TRPM1: variants seen among roughly 807,000 people sequenced by gnomAD.
TRPM1 encodes transient receptor potential cation channel subfamily M member 1.
A neutral mutation model predicts 149.4 loss-of-function variants in TRPM1; 113 were observed. The observed-to-expected ratio is 0.76, with a 90% CI of 0.65 to 0.88. The LOEUF is 0.88. TRPM1 is among the 40% of genes least tolerant of loss of function. The pLI is 0.00. For synonymous variants in TRPM1, 741 were observed against 759.5 expected (o/e 0.98, Z 0.40); for missense variants, 1,976 against 2,038.7 (o/e 0.97, Z 0.59).
intron 1 of TRPM1, among the ~76,000 whole-genome samples, chr15:31,121,721 G>GA (rs2035883207): frequency 6.6e-6 from 1 of 152,100 alleles, no homozygotes; most frequent in Non-Finnish European, 1.5e-5. Context: ...ATGTTTCACT[G>GA]GTGAATTATA....
intron 1 of TRPM1, among the ~76,000 whole-genome samples, chr15:31,109,206 C>G (rs137938418): frequency 6.6e-6 from 1 of 151,722 alleles, no homozygotes; most frequent in Non-Finnish European, 1.5e-5. Context: ...AGGTGGCTCA[C>G]GCCTGTAATC....
chr15:31,012,523 T>C (rs1400862436), intron 27 of TRPM1, among the ~76,000 whole-genome samples: 1 of 152,220 alleles, frequency 6.6e-6, no homozygotes, highest in Non-Finnish European at 1.5e-5. Context: ...GAGTTGCTTC[T>C]CTCTTGCTGC....
Position 31,032,236 on chromosome 15 carries a change from G to A in TRPM1, c.2952+453C>T, listed in dbSNP as rs561173769. ...AAGTAAGCTCTTACAAAAAAACGAG[G>A]CTATTTTCTTTTATATTGCTGTCAA... On this transcript the variant is annotated intron_variant, in intron 22 of 27. Coordinates refer to ENST00000256552, the MANE Select transcript of TRPM1 (RefSeq NM_001252024.2). Among the ~76,000 whole-genome samples the A allele has an allele frequency of 9.9e-5, 15 of 152,000 alleles. No homozygotes were observed. The East Asian group carries it at 2.9e-3, about 29-fold the overall frequency.
intron 1 of TRPM1, among the ~76,000 whole-genome samples, chr15:31,099,394 C>T (rs1408359093): frequency 6.6e-6 from 1 of 152,080 alleles, no homozygotes; most frequent in Admixed American, 6.5e-5. Context: ...TTTACACACA[C>T]ACACCCAGAC....
intron 1 of TRPM1, among the ~76,000 whole-genome samples, chr15:31,087,231 A>ATTTTTTTTTTTTT (rs58872566): frequency 3.0e-4 from 18 of 59,444 alleles, no homozygotes; most frequent in African/African-American, 1.1e-3. Context: ...CTCAATAGGG[A>ATTTTTTTTTTTTT]TTTTTTTTTT....
At chr15:31,118,128 G>A (rs1023486932) in intron 1 of TRPM1, among the ~76,000 whole-genome samples, 5 of 152,094 alleles carry the variant, frequency 3.3e-5, no homozygotes, top group African/African-American at 1.2e-4. Context: ...TAGGTGTGGT[G>A]CATGCCTGTA....
At chr15:31,041,304 G>A (rs558976430) in intron 17 of TRPM1, among the ~76,000 whole-genome samples, 1 of 152,162 alleles carries the variant, frequency 6.6e-6, no homozygotes, top group Admixed American at 6.5e-5. Context: ...ACAGGCGCCC[G>A]CCACTACGCC....
Position 31,070,108 on chromosome 15 carries a change from T to C in TRPM1, c.202A>G (p.Lys68Glu). The C allele has an allele frequency of 6.2e-7, 1 of 1,614,192 alleles. No homozygotes were observed. ...ETQPEKWSVAKHTQSYPTDSY... is the reference protein window; with the variant it reads ...ETQPEKWSVAEHTQSYPTDSY... Reference sequence around the variant, plus strand: ...TCTGTTGGGTAGCTCTGGGTGTGCTTGGCAACAGACCATTTCTCAGGCTGA... The same window carrying C: ...TCTGTTGGGTAGCTCTGGGTGTGCTCGGCAACAGACCATTTCTCAGGCTGA... Residue 68 changes from lysine to glutamate, a missense_variant, in exon 4 of 28, where the codon AAG becomes GAG. By Grantham distance (56) the Lys-to-Glu change is moderately conservative. This residue lies in a region of TRPM1 where 1,332 missense variants were observed against 1,347.1 expected (regional missense o/e 0.99). Coordinates refer to ENST00000256552, the MANE Select transcript of TRPM1 (RefSeq NM_001252024.2).
intron 27 of TRPM1, among the ~76,000 whole-genome samples, chr15:31,017,741 G>A (rs1432975151): frequency 6.6e-6 from 1 of 152,176 alleles, no homozygotes; most frequent in Non-Finnish European, 1.5e-5. Context: ...GCCTGAAGGT[G>A]GTTAAATGAA....
chr15:31,003,857 T>G (rs2031882399), intron 27 of TRPM1, among the ~76,000 whole-genome samples: 1 of 150,648 alleles, frequency 6.6e-6, no homozygotes, highest in Admixed American at 6.6e-5. Context: ...TGCTATTAGT[T>G]TTTTTTTTTT....
intron 1 of TRPM1, among the ~76,000 whole-genome samples, chr15:31,099,188 A>G (rs1194710722): frequency 6.6e-6 from 1 of 152,154 alleles, no homozygotes; most frequent in Non-Finnish European, 1.5e-5. Flanking sequence ...AGAGCTTGCA[A>G]AAGAGGAGGA....
At chr15:31,058,988 C>T (rs144210379) in intron 11 of TRPM1, among the ~76,000 whole-genome samples, 2,054 of 152,248 alleles carry the variant, frequency 0.013, 24 homozygotes, top group African/African-American at 0.028. Context: ...GAGGCTGAGG[C>T]AGGAGAATCG....
At chr15:31,012,384 A>T (rs1240681133) in intron 27 of TRPM1, among the ~76,000 whole-genome samples, 2 of 152,190 alleles carry the variant, frequency 1.3e-5, no homozygotes, top group Non-Finnish European at 2.9e-5. Flanking sequence ...TTTGCTGCAT[A>T]TATAATTTTT....
intron 1 of TRPM1, among the ~76,000 whole-genome samples, chr15:31,083,195 G>A (rs559105339): frequency 3.9e-5 from 6 of 152,260 alleles, no homozygotes; most frequent in South Asian, 4.1e-4. Flanking sequence ...AGCAAACCCC[G>A]CAATGAAATG....
chr15:31,116,123 A>G (rs2035794600), intron 1 of TRPM1, among the ~76,000 whole-genome samples: 1 of 152,182 alleles, frequency 6.6e-6, no homozygotes, highest in African/African-American at 2.4e-5. Flanking sequence ...CATTGAAGCC[A>G]TAGCAGAGCC....
intron 1 of TRPM1, among the ~76,000 whole-genome samples, chr15:31,156,080 C>G (rs2036371482): frequency 6.6e-6 from 1 of 151,208 alleles, no homozygotes; most frequent in African/African-American, 2.4e-5. Context: ...ACCTGTAATC[C>G]CAGCTACTCT....
intron 11 of TRPM1, among the ~76,000 whole-genome samples, chr15:31,058,998 G>A (rs1170188201): frequency 6.6e-6 from 1 of 152,136 alleles, no homozygotes; most frequent in Admixed American, 6.5e-5. Context: ...CAGGAGAATC[G>A]CTTGAATCCG....
intron 1 of TRPM1, among the ~76,000 whole-genome samples, chr15:31,090,676 G>GA (rs1370956082): frequency 4.0e-5 from 6 of 151,744 alleles, no homozygotes; most frequent in African/African-American, 1.5e-4. Flanking sequence ...CTGCACCCTG[G>GA]AAAAAATCTT....
At chr15:31,144,344 G>C (rs1352265242) in intron 1 of TRPM1, among the ~76,000 whole-genome samples, 5 of 152,184 alleles carry the variant, frequency 3.3e-5, no homozygotes, top group African/African-American at 1.2e-4. Flanking sequence ...GGCTAAGGTG[G>C]GAGGATCACT....
Sources: gnomAD v4.1 joint callset for allele counts (sites outside exome capture counted in the v4.1 genomes callset) on GRCh38, gnomAD v4.1.1 for gene constraint, gnomAD v4.1.1 regional missense constraint, MANE v1.5 for transcripts, NCBI Gene and HGNC (gene_info 2026-07-23, HGNC 2026-07-21) for gene names.